APOOL: variants seen among roughly 807,000 people sequenced by gnomAD.
The protein encoded by APOOL is MICOS complex subunit MIC27.
A neutral mutation model predicts 23.1 loss-of-function variants in APOOL; 12 were observed. The observed-to-expected ratio is 0.52, with a 90% CI of 0.33 to 0.84. APOOL has a LOEUF of 0.84. Ranked by LOEUF, APOOL falls within the 40% of genes least tolerant of loss-of-function variation. The probability of loss-of-function intolerance (pLI) is 0.02; values close to 1 mark genes in which losing one functional copy is unlikely to be tolerated. For missense variants in APOOL, 212 were observed against 199.6 expected, an observed-to-expected ratio of 1.06 and a Z score of -0.37; for synonymous variants, 77 against 69.9, an observed-to-expected ratio of 1.10 and a Z score of -0.51.
chrX:85,030,796 A>T (rs964789477), intron 1 of APOOL, among the ~76,000 whole-genome samples: 3 of 111,701 alleles, frequency 2.7e-5, no homozygotes, highest in African/African-American at 9.8e-5. Context: ...AAAAGTACAT[A>T]TTAGGTTAAA....
chrX:85,070,938 G>T (rs2147660192), intron 6 of APOOL, among the ~76,000 whole-genome samples: 1 of 111,424 alleles, frequency 9.0e-6, no homozygotes, highest in South Asian at 3.8e-4. Context: ...GTAGATAAAG[G>T]GATAAAGATA....
At chrX:85,031,172 A>G (rs186538686) in intron 1 of APOOL, among the ~76,000 whole-genome samples, 8 of 111,811 alleles carry the variant, frequency 7.2e-5, no homozygotes, top group African/African-American at 2.6e-4. Flanking sequence ...TAGATTTTCA[A>G]AAAGTTAAGA....
At position 85,065,521 on chromosome X, in the gene APOOL, T is replaced by G. The variant is rs181768645; in HGVS notation, c.395-1606T>G. The stretch of plus-strand genomic sequence containing the variant: ...GTTTTTGTAGTGGCTGGTAATGGTT[T>G]TTCCTTTCCATGTTTAGTGCACAGC... On this transcript the variant is annotated intron_variant, in intron 5 of 8. Transcript: ENST00000373173. 8.1e-5 allele frequency among the ~76,000 whole-genome samples: 9 copies of G among 111,759 alleles called. No homozygotes were observed. The Admixed American group carries it at 8.6e-4, about 11-fold the overall frequency.
chrX:85,014,816 G>A (rs1452542580), intron 1 of APOOL, among the ~76,000 whole-genome samples: 1 of 109,265 alleles, frequency 9.2e-6, no homozygotes, highest in Non-Finnish European at 1.9e-5. Flanking sequence ...TCTTTTTTGT[G>A]ATGAATTTCC....
At chrX:85,068,156 ACT>A (rs1010280079) in intron 6 of APOOL, among the ~76,000 whole-genome samples, 1 of 111,416 alleles carries the variant, frequency 9.0e-6, no homozygotes, top group Admixed American at 9.6e-5. Flanking sequence ...TATTTTTAAA[ACT>A]CTTTCTTAAT....
chrX:85,057,643 A>G (rs1366285429), intron 5 of APOOL, among the ~76,000 whole-genome samples: 3 of 107,263 alleles, frequency 2.8e-5, no homozygotes, highest in African/African-American at 1.0e-4. Context: ...TGGATGATAT[A>G]TATCTCATCT....
In APOOL at chrX:85,089,441, C is replaced by G. The variant is rs1366936247; in HGVS notation, c.*1763C>G. On this transcript the variant is annotated 3_prime_UTR_variant, in exon 9 of 9. Transcript: ENST00000373173. Reference sequence around the variant, plus strand: ...TTATGTCATTATTGACTCTTCACCACTCTCTCCTTGAGACTCACTTATCCC... The same window carrying G: ...TTATGTCATTATTGACTCTTCACCAGTCTCTCCTTGAGACTCACTTATCCC... The G allele has an allele frequency of 9.0e-6, 1 of 111,724 alleles. No individual in the cohort carries two copies. Among genetic ancestry groups the G allele is most frequent in the Non-Finnish European group, 1.9e-5 (1 of 53,169 alleles). The allele number at this position is 111,724 out of a possible 1,213,427, so 9.2% of individuals were successfully genotyped here. A position where few individuals can be genotyped will look rare whatever the true frequency, so the allele number is the denominator to read the frequency against.
intron 8 of APOOL, among the ~76,000 whole-genome samples, chrX:85,084,561 C>G (rs1275470686): frequency 1.8e-5 from 2 of 109,729 alleles, no homozygotes; most frequent in African/African-American, 6.6e-5. Context: ...CAGACTCTAC[C>G]AAGAATTATA....
At chrX:85,009,545 T>C (rs1378563563) in intron 1 of APOOL, among the ~76,000 whole-genome samples, 3 of 112,249 alleles carry the variant, frequency 2.7e-5, no homozygotes, top group Non-Finnish European at 5.6e-5. Context: ...ATCATGTTTA[T>C]TGATTTGGAT....
At chrX:85,041,943 T>A (rs191573821) in intron 1 of APOOL, among the ~76,000 whole-genome samples, 45 of 111,176 alleles carry the variant, frequency 4.0e-4, no homozygotes, top group African/African-American at 1.3e-3. Context: ...CCTGGATGAT[T>A]CAGTGGAAGA....
At chrX:85,061,295 G>C (rs955880465) in intron 5 of APOOL, among the ~76,000 whole-genome samples, 1 of 111,371 alleles carries the variant, frequency 9.0e-6, no homozygotes, top group African/African-American at 3.3e-5. Context: ...GTATTTTATT[G>C]AGGATTTTTG....
At position 85,092,721 on chromosome X, in the gene APOOL, GA is replaced by G; in HGVS notation, c.*5049del. On this transcript the variant is annotated 3_prime_UTR_variant, in exon 9 of 9. Transcript: ENST00000373173. The stretch of plus-strand genomic sequence containing the variant: ...TTGAACTTTTCTATAGCTGTAAAAA[GA>G]AAAAAGTCTCACTGTTCTGAGCTTT... 2.1e-6 allele frequency: 1 copy of G among 478,485 alleles called. No homozygotes were observed. The highest frequency in any genetic ancestry group is 3.3e-6 in the Non-Finnish European group (1 of 305,830). 39.4% of individuals were successfully genotyped at this position (478,485 alleles called of 1,213,427 possible).
chrX:85,026,400 G>A (rs759938773), intron 1 of APOOL, among the ~76,000 whole-genome samples: 4 of 113,250 alleles, frequency 3.5e-5, no homozygotes, highest in African/African-American at 6.4e-5. Flanking sequence ...TTTCCCCATT[G>A]TCTTGGATAT....
chrX:85,012,032 A>G (rs1281241121), intron 1 of APOOL, among the ~76,000 whole-genome samples: 1 of 111,327 alleles, frequency 9.0e-6, no homozygotes, highest in East Asian at 2.8e-4. Flanking sequence ...GTAGTGTTTT[A>G]TAGTTTTCTT....
intron 1 of APOOL, among the ~76,000 whole-genome samples, chrX:85,005,680 A>G (rs1017543499): frequency 8.9e-6 from 1 of 111,820 alleles, no homozygotes; most frequent in African/African-American, 3.3e-5. Flanking sequence ...CTACATGAAT[A>G]AAGTGCCAGG....
At chrX:85,024,412 T>A (rs891063004) in intron 1 of APOOL, among the ~76,000 whole-genome samples, 1 of 112,424 alleles carries the variant, frequency 8.9e-6, no homozygotes, top group Admixed American at 9.4e-5. Context: ...GCTCTTGGCT[T>A]CTATTTATAT....
At chrX:85,066,574 T>C (rs1923465302) in intron 5 of APOOL, among the ~76,000 whole-genome samples, 1 of 111,597 alleles carries the variant, frequency 9.0e-6, no homozygotes. Context: ...TTGATATGCA[T>C]TACTTATGTC....
rs1924430420 is a variant in APOOL, at chrX:85,088,311, CCT to C, written c.*636_*637del. On this transcript the variant is annotated 3_prime_UTR_variant, in exon 9 of 9. Coordinates refer to ENST00000373173, the MANE Select transcript of APOOL (RefSeq NM_198450.6). ...AATGGTGTATGGAAAGGTGTGTTTC[CCT>C]CTGTTTTTTTTTTTTTTTTTTTTTT... The C allele has an allele frequency of 2.8e-5, 1 of 35,490 alleles. No homozygotes were observed. The highest frequency in any genetic ancestry group is 8.9e-5 in the African/African-American group (1 of 11,260). The allele number at this position is 35,490 out of a possible 1,213,427, so 2.9% of individuals were successfully genotyped here.
chrX:85,012,508 G>A (rs1027550425), intron 1 of APOOL, among the ~76,000 whole-genome samples: 3 of 111,298 alleles, frequency 2.7e-5, no homozygotes, highest in Non-Finnish European at 5.7e-5. Context: ...ATTACCTTGA[G>A]ATCTGTCCCT....
Sources: gnomAD v4.1 joint callset for allele counts (sites outside exome capture counted in the v4.1 genomes callset) on GRCh38, gnomAD v4.1.1 for gene constraint, MANE v1.5 for transcripts, NCBI Gene and HGNC (gene_info 2026-07-23, HGNC 2026-07-21) for gene names.